The following DNAH17 variants were observed in gnomAD, a reference collection of about 807,000 sequenced individuals.
DNAH17 encodes the protein axonemal beta dynein heavy chain 17.
DNAH17 carries 376 observed loss-of-function variants against 485.6 expected under a neutral mutation model. That is an observed-to-expected ratio of 0.77 (90% CI 0.71 to 0.84). The LOEUF (loss-of-function observed/expected upper bound fraction) is 0.84, where lower values mean the gene tolerates loss of function less well. Among genes scored for constraint, DNAH17 ranks in the 40% least tolerant of loss-of-function variants. DNAH17 has a pLI of 0.00. For missense variants in DNAH17, 6,370 were observed against 5,839.3 expected, an observed-to-expected ratio of 1.09 and a Z score of -2.96; for synonymous variants, 3,031 against 2,405.9, an observed-to-expected ratio of 1.26 and a Z score of -7.60.
chr17:78,544,071 C>T (rs2091682619), intron 16 of DNAH17, 74 bp from the exon 17 acceptor site: 2 of 1,599,082 alleles, frequency 1.3e-6, no homozygotes, highest in African/African-American at 1.3e-5. Context: ...TTGCTGTGTG[C>T]TTTTGATGTG....
chr17:78,507,668 G>T lies in DNAH17; in HGVS notation c.4374C>A (p.Asn1458Lys), dbSNP rs368996661. ...GGGCCAGGTACTTGGACATCATCAG[G>T]TTCTGCAGCTGCACCTGGTTGTCCT... ...TLEDNQVQLQ[N>K]LMMSKYLAHF... Residue 1458 changes from asparagine to lysine, a missense_variant, in exon 28 of 81, where the codon AAC (asparagine) becomes AAA (lysine). Asn to Lys is a moderately conservative substitution (Grantham distance 94). Coordinates refer to ENST00000389840, the MANE Select transcript of DNAH17 (RefSeq NM_173628.4). 1.9e-6 allele frequency: 3 copies of T among 1,613,376 alleles called. No individual in the cohort carries two copies. The highest frequency in any genetic ancestry group is 1.1e-5 in the South Asian group (1 of 91,072).
Position 78,575,161 on chromosome 17 carries a change from ATC to A in DNAH17, c.-25-81_-25-80del, listed in dbSNP as rs535564024. 3.1e-3 allele frequency: 2,912 copies of A among 950,674 alleles called. 9 individuals are homozygous for A. Among genetic ancestry groups the A allele is most frequent in the Non-Finnish European group, 3.3e-3 (2,121 of 643,990 alleles). 58.9% of individuals were successfully genotyped at this position (950,674 alleles called of 1,614,324 possible). A position where few individuals can be genotyped will look rare whatever the true frequency, so the allele number is the denominator to read the frequency against. On this transcript the variant is annotated intron_variant, in intron 1 of 80. Transcript: ENST00000389840. ...CCACCCATCCCTGGCACCGCAGGAA[ATC>A]TCTGTTTCTACCGGAGCAGGAACAA...
At chr17:78,536,522 A>T (rs1275637575) in intron 19 of DNAH17, among the ~76,000 whole-genome samples, 2 of 151,932 alleles carry the variant, frequency 1.3e-5, no homozygotes, top group East Asian at 3.9e-4. Context: ...TCTACAAAAA[A>T]ATACATCACC....
intron 48 of DNAH17, among the ~76,000 whole-genome samples, chr17:78,482,372 C>T (rs950147804): frequency 4.6e-5 from 7 of 152,126 alleles, no homozygotes; most frequent in African/African-American, 7.2e-5. Context: ...TGGAAGTTGA[C>T]GTCTGTTAGT....
chr17:78,425,915 G>A (rs1454260161), intron 79 of DNAH17, among the ~76,000 whole-genome samples: 1 of 152,004 alleles, frequency 6.6e-6, no homozygotes, highest in African/African-American at 2.4e-5. Context: ...ACAGGTGCAG[G>A]CCACCATGCC....
rs758459834 is a variant in DNAH17 at position 78,474,641 on chromosome 17, T to C, written c.8511+637A>G. Reference sequence around the variant, plus strand: ...GTGATCTGGGTTGATTCTGTGGACTTGTGTCCATCGAGTAGTTGACAGACA... The same window carrying C: ...GTGATCTGGGTTGATTCTGTGGACTCGTGTCCATCGAGTAGTTGACAGACA... On this transcript the variant is annotated intron_variant, in intron 54 of 80. Coordinates refer to ENST00000389840, the MANE Select transcript of DNAH17 (RefSeq NM_173628.4). Among the ~76,000 whole-genome samples the C allele has an allele frequency of 2.0e-4, 29 of 148,716 alleles. 1 individual carries two copies. Among genetic ancestry groups the C allele is most frequent in the Middle Eastern group, 6.9e-3 (2 of 290 alleles).
intron 75 of DNAH17, among the ~76,000 whole-genome samples, chr17:78,429,787 T>A (rs2086610296): frequency 6.6e-6 from 1 of 152,220 alleles, no homozygotes; most frequent in African/African-American, 2.4e-5. Flanking sequence ...CGTCAACCTT[T>A]TGGCCACGAA....
chr17:78,473,057 A>G (rs1377788361), intron 54 of DNAH17, among the ~76,000 whole-genome samples: 2 of 152,130 alleles, frequency 1.3e-5, no homozygotes, highest in East Asian at 1.9e-4. Flanking sequence ...AGCTTCCGGG[A>G]CCTACTTTAT....
At position 78,574,925 on chromosome 17, in the gene DNAH17, C is replaced by G. The variant is rs758975260; in HGVS notation, c.133G>C (p.Glu45Gln). The change falls in exon 2 of 81, where the codon GAA becomes CAA. Residue 45 changes from glutamate to glutamine, a missense_variant. By Grantham distance (29) the Glu-to-Gln change is conservative. Transcript: ENST00000389840. ...ENVALFTEFF[E>Q]KPDVQVLVLT... ...ACCAGCACCTGGACGTCGGGCTTTT[C>G]AAAGAACTCTGTGAACAGGGCCACG... 4 of 1,614,016 alleles carry G rather than the reference C, an allele frequency of 2.5e-6. No individual in the cohort carries two copies. The highest frequency in any genetic ancestry group is 3.4e-6 in the Non-Finnish European group (4 of 1,179,896).
rs1270520262 is a variant in DNAH17 at position 78,507,750 on chromosome 17, T to G, written c.4292A>C (p.His1431Pro). 6.3e-7 allele frequency: 1 copy of G among 1,591,592 alleles called. No homozygotes were observed. Among genetic ancestry groups the G allele is most frequent in the Non-Finnish European group, 8.5e-7 (1 of 1,174,956 alleles). ...WSMMEFQHEP[H>P]PRTGTMMLKS... ...GAGCATCATGGTGCCTGTCCGCGGG[T>G]GCGGCTCGTGCTGGAATTCCATCAT... is the stretch of plus-strand genomic sequence containing the variant. The change falls in exon 28 of 81, where the codon CAC (histidine) becomes CCC (proline). Residue 1431 changes from histidine to proline, a missense_variant. His to Pro is a moderately conservative substitution (Grantham distance 77, BLOSUM62 -2). Transcript: ENST00000389840.
At chr17:78,493,234 C>G (rs935022976) in intron 41 of DNAH17, 6 of 160,320 alleles carry the variant, frequency 3.7e-5, no homozygotes, top group African/African-American at 1.2e-4. Context: ...TTTACACCCC[C>G]CAACCATGGC....
intron 26 of DNAH17, 87 bp downstream of exon 26, chr17:78,514,687 C>G: frequency 6.6e-7 from 1 of 1,510,292 alleles, no homozygotes; most frequent in Non-Finnish European, 8.8e-7. Flanking sequence ...GCCCTGAACA[C>G]CTTGGCTAGG....
Position 78,466,818 on chromosome 17 carries a change from T to C in DNAH17, c.8779-2A>G. The C allele has an allele frequency of 1.3e-6, 2 of 1,579,192 alleles. No individual in the cohort carries two copies. The highest frequency in any genetic ancestry group is 1.7e-6 in the Non-Finnish European group (2 of 1,163,310). ...CACAGGGGAGAAACACAGGATCACC[T>C]GGGTGTGGGAGACACAGATGCGCTG... On this transcript the variant is annotated splice_acceptor_variant, in intron 55 of 80. Transcript: ENST00000389840. LOFTEE classifies it high-confidence loss of function.
intron 4 of DNAH17, 72 bp downstream of exon 4, chr17:78,571,518 G>C: frequency 6.4e-7 from 1 of 1,568,908 alleles, no homozygotes; most frequent in South Asian, 1.1e-5. Context: ...GTTGGCACTG[G>C]GAGGCGGAGA....
intron 80 of DNAH17, 86 bp from the exon 81 acceptor site, chr17:78,424,239 C>T (rs933433005): frequency 6.7e-7 from 1 of 1,487,602 alleles, no homozygotes; most frequent in Non-Finnish European, 9.0e-7. Flanking sequence ...CTCACACTCC[C>T]CGCCCTCTGC....
At chr17:78,532,125 T>C (rs879529392) in intron 20 of DNAH17, among the ~76,000 whole-genome samples, 2 of 152,190 alleles carry the variant, frequency 1.3e-5, no homozygotes, top group Non-Finnish European at 2.9e-5. Flanking sequence ...CCCTATAGCC[T>C]AGAGCCTGCT....
chr17:78,452,868 G>C (rs1302567260), intron 65 of DNAH17, among the ~76,000 whole-genome samples: 2 of 152,216 alleles, frequency 1.3e-5, no homozygotes, highest in Admixed American at 1.3e-4. Flanking sequence ...TGGATGTTAG[G>C]GCTCAGGAGG....
intron 9 of DNAH17, among the ~76,000 whole-genome samples, chr17:78,568,364 G>C (rs887297089): frequency 3.3e-5 from 5 of 151,788 alleles, no homozygotes; most frequent in Middle Eastern, 3.4e-3. Flanking sequence ...AAGAGAACTG[G>C]ACAAGCCTCT....
chr17:78,570,361 G>A lies in DNAH17; in HGVS notation c.930C>T (p.Phe310=), dbSNP rs1402654268. ...AGATGGTGTCCAGCACCTTGGCAAT[G>A]AAGGTGGGGAGCTGGGGGGAGACAG... ...EQADFTMLPT[F]IAKVLDTICF... Residue 310 remains phenylalanine, a synonymous_variant, in exon 7 of 81, where the codon TTC becomes TTT. Transcript: ENST00000389840. 12 of 1,610,720 alleles carry A rather than the reference G, an allele frequency of 7.5e-6. No individual in the cohort carries two copies. Among genetic ancestry groups the A allele is most frequent in the Non-Finnish European group, 1.0e-5 (12 of 1,178,888 alleles).
Sources: gnomAD v4.1 joint callset for allele counts (sites outside exome capture counted in the v4.1 genomes callset) on GRCh38, gnomAD v4.1.1 for gene constraint, MANE v1.5 for transcripts, NCBI Gene and HGNC (gene_info 2026-07-23, HGNC 2026-07-21) for gene names.